ROBO1: variants seen among roughly 807,000 people sequenced by gnomAD.
ROBO1 encodes the protein roundabout guidance receptor 1.
Under a neutral mutation model 195.9 loss-of-function variants are expected in ROBO1, and 149 were observed. That is an observed-to-expected ratio of 0.76 (90% CI 0.67 to 0.87). The LOEUF (loss-of-function observed/expected upper bound fraction) is 0.87. Among genes scored for constraint, ROBO1 ranks in the 40% least tolerant of loss-of-function variants. The probability of loss-of-function intolerance (pLI) is 0.00; values close to 1 mark genes in which losing one functional copy is unlikely to be tolerated. For synonymous variants in ROBO1, 816 were observed against 733.2 expected (o/e 1.11, Z -1.82); for missense variants, 1,933 against 2,068.3 (o/e 0.93, Z 1.27).
At chr3:79,301,841 C>G (rs1014560398) in intron 2 of ROBO1, among the ~76,000 whole-genome samples, 2 of 152,040 alleles carry the variant, frequency 1.3e-5, no homozygotes, top group African/African-American at 4.8e-5. Flanking sequence ...ACCTTGGAAA[C>G]AGCTTTGGAA....
intron 1 of ROBO1, among the ~76,000 whole-genome samples, chr3:79,698,854 A>G (rs1947524412): frequency 2.6e-5 from 4 of 151,586 alleles, no homozygotes; most frequent in African/African-American, 9.7e-5. Flanking sequence ...TGAAGAATAA[A>G]TCAAGAAATC....
chr3:78,659,103 T>C (rs1187494399), intron 17 of ROBO1, among the ~76,000 whole-genome samples: 1 of 152,174 alleles, frequency 6.6e-6, no homozygotes, highest in Non-Finnish European at 1.5e-5. Context: ...GACTAACACA[T>C]AGTATCCTGT....
intron 5 of ROBO1, among the ~76,000 whole-genome samples, chr3:78,742,828 C>CGTAA (rs1357193706): frequency 6.6e-6 from 1 of 152,160 alleles, no homozygotes; most frequent in Admixed American, 6.6e-5. Flanking sequence ...GTGGTTCTTA[C>CGTAA]ATTGACTAGA....
chr3:79,030,815 G>C (rs1223532952), intron 3 of ROBO1, among the ~76,000 whole-genome samples: 2 of 152,080 alleles, frequency 1.3e-5, no homozygotes, highest in Admixed American at 6.6e-5. Context: ...TCCACCTCCT[G>C]GGTTCAAGCA....
At chr3:79,726,615 G>C (rs758171436) in intron 1 of ROBO1, among the ~76,000 whole-genome samples, 33 of 151,984 alleles carry the variant, frequency 2.2e-4, no homozygotes, top group Non-Finnish European at 2.8e-4. Context: ...ATGTGTTTTA[G>C]TTTTGAGATT....
intron 4 of ROBO1, among the ~76,000 whole-genome samples, chr3:78,875,091 A>G (rs559582344): frequency 6.6e-6 from 1 of 152,162 alleles, no homozygotes; most frequent in Non-Finnish European, 1.5e-5. Context: ...AAGTCATGGG[A>G]AAATTAGAGA....
chr3:79,432,387 G>A (rs78269873), intron 2 of ROBO1, among the ~76,000 whole-genome samples: 1,652 of 151,966 alleles, frequency 0.011, 30 homozygotes, highest in African/African-American at 0.038. Context: ...TAAAGGGGAG[G>A]GAATAAACTC....
At chr3:79,102,603 C>G (rs1368182657) in intron 3 of ROBO1, among the ~76,000 whole-genome samples, 1 of 151,700 alleles carries the variant, frequency 6.6e-6, no homozygotes, top group Non-Finnish European at 1.5e-5. Context: ...GGAAGCATGG[C>G]AGTTATAAGT....
chr3:79,726,851 T>C (rs1702947177), intron 1 of ROBO1, among the ~76,000 whole-genome samples: 1 of 152,158 alleles, frequency 6.6e-6, no homozygotes, highest in Admixed American at 6.5e-5. Flanking sequence ...TCAGTACTCC[T>C]GTTTATATGT....
intron 17 of ROBO1, among the ~76,000 whole-genome samples, chr3:78,659,266 T>G (rs1350517186): frequency 2.0e-5 from 3 of 152,190 alleles, no homozygotes; most frequent in African/African-American, 7.2e-5. Flanking sequence ...TTAAATACTT[T>G]AAAAAATACA....
chr3:78,795,270 T>C (rs1470103726), intron 4 of ROBO1, among the ~76,000 whole-genome samples: 1 of 152,204 alleles, frequency 6.6e-6, no homozygotes, highest in Non-Finnish European at 1.5e-5. Context: ...CATTTAATTA[T>C]CTCCATTAGT....
intron 1 of ROBO1, among the ~76,000 whole-genome samples, chr3:79,662,583 G>A (rs1418155989): frequency 6.6e-6 from 1 of 152,000 alleles, no homozygotes; most frequent in Non-Finnish European, 1.5e-5. Context: ...CCAATACTCA[G>A]GAGGCTTCAT....
At chr3:78,807,169 T>C (rs768779243) in intron 4 of ROBO1, among the ~76,000 whole-genome samples, 37 of 152,188 alleles carry the variant, frequency 2.4e-4, no homozygotes, top group Non-Finnish European at 4.6e-4. Context: ...CAGAGCAATC[T>C]ATAAAGGAGG....
At chr3:79,115,497 G>A (rs1043541052) in intron 3 of ROBO1, among the ~76,000 whole-genome samples, 3 of 152,086 alleles carry the variant, frequency 2.0e-5, no homozygotes, top group African/African-American at 7.2e-5. Context: ...CCCACTGCTT[G>A]CAAAATTGGC....
At chr3:78,711,351 C>T (rs868315730) in intron 8 of ROBO1, among the ~76,000 whole-genome samples, 24 of 42,044 alleles carry the variant, frequency 5.7e-4, no homozygotes, top group African/African-American at 3.0e-3. Context: ...TTCCTTCCTC[C>T]TTCCTTCCTT....
At chr3:79,481,611 T>G (rs1938863513) in intron 2 of ROBO1, among the ~76,000 whole-genome samples, 1 of 152,172 alleles carries the variant, frequency 6.6e-6, no homozygotes, top group South Asian at 2.1e-4. Flanking sequence ...ATGGTCAAGT[T>G]TCTTGAACTG....
At chr3:78,614,926 G>A in intron 27 of ROBO1, 126 bp from the exon 28 acceptor site, 1 of 1,005,424 alleles carries the variant, frequency 9.9e-7, no homozygotes, top group Non-Finnish European at 1.4e-6. Flanking sequence ...AACAAAAAAA[G>A]CTTAAACAAA....
intron 1 of ROBO1, among the ~76,000 whole-genome samples, chr3:79,743,076 T>C (rs1229713177): frequency 6.6e-6 from 1 of 152,186 alleles, no homozygotes; most frequent in African/African-American, 2.4e-5. Context: ...CAACCATCCA[T>C]CCAACCATGA....
intron 6 of ROBO1, 67 bp from the exon 7 acceptor site, chr3:78,717,480 G>A: frequency 7.4e-7 from 1 of 1,349,440 alleles, no homozygotes; most frequent in Non-Finnish European, 1.1e-6. Flanking sequence ...CACTTTAGGA[G>A]TTCAGTAAGA....
Sources: allele counts gnomAD v4.1 joint callset (sites outside exome capture counted in the v4.1 genomes callset), GRCh38; gene constraint gnomAD v4.1.1; transcripts MANE v1.5; gene names NCBI Gene and HGNC (gene_info 2026-07-23, HGNC 2026-07-21).